Variants in APCDD1L observed in about 807,000 individuals in gnomAD.
APCDD1L encodes protein APCDD1-like.
Under a neutral mutation model 24.2 loss-of-function variants are expected in APCDD1L, and 21 were observed. The ratio of observed to expected loss-of-function variants is 0.87; its 90% CI spans 0.61 to 1.25. The LOEUF is 1.25. Among genes scored for constraint, APCDD1L ranks in the 50% most tolerant of loss-of-function variants. The pLI, the probability that APCDD1L is intolerant of heterozygous loss-of-function variation, is 0.00. For synonymous variants in APCDD1L, 321 were observed against 323.6 expected, an observed-to-expected ratio of 0.99 and a Z score of 0.09; for missense variants, 704 against 711.7, an observed-to-expected ratio of 0.99 and a Z score of 0.12.
intron 1 of APCDD1L, among the ~76,000 whole-genome samples, chr20:58,514,196 C>G (rs1485829876): frequency 2.6e-5 from 4 of 152,278 alleles, no homozygotes; most frequent in Non-Finnish European, 2.9e-5. Context: ...AGCTTCTCCC[C>G]GAGTCCTGCT....
rs1301118590 is a variant in APCDD1L, at chr20:58,470,432, G to A, written c.188+177C>T. Among the ~76,000 whole-genome samples, 7 of 152,216 alleles carry A rather than the reference G, an allele frequency of 4.6e-5. No individual in the cohort carries two copies. In the East Asian group the frequency reaches 1.3e-3, roughly 29 times the overall value. On this transcript the variant is annotated intron_variant, in intron 2 of 3. Transcript: ENST00000371149. ...GACCATGGACGTGATGCCCAACAGAGTCCCTGCCTCCCATTGCACTCTGGG... is the reference window on the plus strand; with the variant it reads ...GACCATGGACGTGATGCCCAACAGAATCCCTGCCTCCCATTGCACTCTGGG...
chr20:58,501,523 C>G (rs1990437329), intron 1 of APCDD1L, among the ~76,000 whole-genome samples: 1 of 152,214 alleles, frequency 6.6e-6, no homozygotes, highest in Non-Finnish European at 1.5e-5. Flanking sequence ...CCTGCAGACA[C>G]CTTGATCTCT....
At position 58,461,166 on chromosome 20, in the gene APCDD1L, C is replaced by T. The variant is rs1989592126; in HGVS notation, c.1130G>A (p.Ser377Asn). The T allele has an allele frequency of 6.2e-7, 1 of 1,613,074 alleles. No individual in the cohort carries two copies. The change falls in exon 4 of 4, where the codon AGC becomes AAC. Residue 377 changes from serine (S) to asparagine (N), a missense_variant. Ser to Asn is a conservative substitution (Grantham distance 46). Transcript: ENST00000371149. This position sits in a 1 kb window ranked among gnomAD's most constrained non-coding sequence, Gnocchi z 6.0. ...TTAMLNFSEP[S>N]SCGGAGAWSM... is the part of the protein sequence containing the mutation. ...CCAGGCCCCCGCACCCCCACAGCTG[C>T]TTGGCTCAGAGAAGTTGAGCATGGC...
chr20:58,493,898 A>T (rs531104718), intron 1 of APCDD1L, among the ~76,000 whole-genome samples: 3 of 152,248 alleles, frequency 2.0e-5, no homozygotes, highest in Admixed American at 1.3e-4. Context: ...GTAACTTTCA[A>T]CTCCCCCAAA....
intron 1 of APCDD1L, among the ~76,000 whole-genome samples, chr20:58,507,921 G>A (rs1188101399): frequency 2.0e-5 from 3 of 152,168 alleles, no homozygotes; most frequent in Admixed American, 6.5e-5. Flanking sequence ...ATAATTATAG[G>A]AATCCAAATC....
chr20:58,513,044 C>T (rs567805466), intron 1 of APCDD1L, among the ~76,000 whole-genome samples: 5 of 152,316 alleles, frequency 3.3e-5, no homozygotes, highest in South Asian at 2.1e-4. Flanking sequence ...ATTGGCATGA[C>T]GGGAAGCTCC....
chr20:58,463,556 AT>A (rs1359588625), intron 3 of APCDD1L, among the ~76,000 whole-genome samples: 1 of 152,142 alleles, frequency 6.6e-6, no homozygotes, highest in East Asian at 1.9e-4. Flanking sequence ...CTCCTATTTT[AT>A]TTCTAAAAAA....
intron 2 of APCDD1L, among the ~76,000 whole-genome samples, chr20:58,470,120 G>GCC (rs1198634189): frequency 6.6e-6 from 1 of 152,146 alleles, no homozygotes; most frequent in Non-Finnish European, 1.5e-5. Context: ...TGCCCCCTCT[G>GCC]CCTGGCTCTT....
At chr20:58,481,732 G>T (rs1024522931) in intron 1 of APCDD1L, among the ~76,000 whole-genome samples, 2 of 152,156 alleles carry the variant, frequency 1.3e-5, no homozygotes, top group East Asian at 3.8e-4. Flanking sequence ...TCACCCCGCC[G>T]GCTCCAGCTT....
chr20:58,506,177 A>C (rs1990525130), intron 1 of APCDD1L, among the ~76,000 whole-genome samples: 1 of 152,210 alleles, frequency 6.6e-6, no homozygotes. Context: ...CTTTGGATAC[A>C]TCCCCAGGCA....
rs557684654 is a variant in APCDD1L, at chr20:58,495,627, G to T, written c.49+19032C>A. 3.3e-5 allele frequency among the ~76,000 whole-genome samples: 5 copies of T among 152,296 alleles called. 1 individual carries two copies. The highest frequency in any genetic ancestry group is 1.2e-4 in the African/African-American group (5 of 41,572). ...TCAGGCCCTGCCCCTTCTGAGTGAG[G>T]TGGCTTTGGGTAAGAAGCCTCAGTG... is the stretch of plus-strand genomic sequence containing the variant. On this transcript the variant is annotated intron_variant, in intron 1 of 3. Coordinates refer to ENST00000371149, the MANE Select transcript of APCDD1L (RefSeq NM_153360.3).
chr20:58,501,975 T>C (rs953161689), intron 1 of APCDD1L, among the ~76,000 whole-genome samples: 1 of 152,238 alleles, frequency 6.6e-6, no homozygotes, highest in Admixed American at 6.5e-5. Flanking sequence ...TGGGCTGCAA[T>C]GTGGCCTACT....
At chr20:58,491,428 T>C (rs1203116829) in intron 1 of APCDD1L, among the ~76,000 whole-genome samples, 2 of 152,122 alleles carry the variant, frequency 1.3e-5, no homozygotes, top group Admixed American at 6.5e-5. Flanking sequence ...AAGAAATCAA[T>C]ATGTAAGAAT....
At chr20:58,504,444 CT>C (rs1600878717) in intron 1 of APCDD1L, among the ~76,000 whole-genome samples, 1 of 152,220 alleles carries the variant, frequency 6.6e-6, no homozygotes, top group African/African-American at 2.4e-5. Context: ...TCCCAGGCTT[CT>C]GCTTCTTCAG....
chr20:58,461,542 GC>G lies in APCDD1L; in HGVS notation c.753del (p.Gln251HisfsTer110). On this transcript the variant is annotated frameshift_variant, in exon 4 of 4. Transcript: ENST00000371149. LOFTEE classifies it low-confidence loss of function (END_TRUNC). The surrounding 1 kb of genome is among the most constrained non-coding windows in gnomAD (Gnocchi z 6.0). ...GCAATGAGGCCACAGGCTGGGCACG[GC>G]TGCACGTGGTGCTGGCAAAAGACAA... ...RPLQSALHHVQPCPACGLIAR... is the reference protein window; with the variant it reads ...RPLQSALHHVXPCPACGLIAR... The G allele has an allele frequency of 7.0e-7, 1 of 1,428,044 alleles. No individual in the cohort carries two copies. The highest frequency in any genetic ancestry group is 1.4e-5 in the African/African-American group (1 of 69,640). The allele number at this position is 1,428,044 out of a possible 1,614,324, so 88.5% of individuals were successfully genotyped here. A position where few individuals can be genotyped will look rare whatever the true frequency, so the allele number is the denominator to read the frequency against.
chr20:58,461,554 G>A lies in APCDD1L; in HGVS notation c.742C>T (p.His248Tyr). ...CAGGCTGGGCACGGCTGCACGTGGT[G>A]CTGGCAAAAGACAAACAGAAAAACG... ...GYQRPLQSAL[H>Y]HVQPCPACGL... is the part of the protein sequence containing the mutation. The change falls in exon 4 of 4, where the codon CAC becomes TAC. Residue 248 changes from histidine (H) to tyrosine (Y), a missense_variant and splice_region_variant. Coordinates refer to ENST00000371149, the MANE Select transcript of APCDD1L (RefSeq NM_153360.3). This position sits in a 1 kb window ranked among gnomAD's most constrained non-coding sequence, Gnocchi z 6.0. The A allele has an allele frequency of 7.0e-7, 1 of 1,418,974 alleles. No individual in the cohort carries two copies. Among genetic ancestry groups the A allele is most frequent in the Non-Finnish European group, 9.3e-7 (1 of 1,080,182 alleles). 87.9% of individuals were successfully genotyped at this position (1,418,974 alleles called of 1,614,324 possible).
rs1281129204 is a variant in APCDD1L, at chr20:58,497,477, T to C, written c.49+17182A>G. Among the ~76,000 whole-genome samples the C allele has an allele frequency of 6.6e-6, 1 of 152,126 alleles. No homozygotes were observed. Among genetic ancestry groups the C allele is most frequent in the African/African-American group, 2.4e-5 (1 of 41,424 alleles). ...TGGGCTCATGAGTCTGGGCTCAAGG[T>C]GCGAGCTGGGTTGGTTCCTTCTGAG... On this transcript the variant is annotated intron_variant, in intron 1 of 3. Coordinates refer to ENST00000371149, the MANE Select transcript of APCDD1L (RefSeq NM_153360.3). This position sits in a 1 kb window ranked among gnomAD's most constrained non-coding sequence, Gnocchi z 4.3.
At chr20:58,486,601 A>C (rs1294341580) in intron 1 of APCDD1L, among the ~76,000 whole-genome samples, 4 of 152,336 alleles carry the variant, frequency 2.6e-5, no homozygotes, top group Admixed American at 1.3e-4. Context: ...ACACCAAACT[A>C]CTGGAAGCAC....
At position 58,489,498 on chromosome 20, in the gene APCDD1L, A is replaced by G. The variant is rs562468599; in HGVS notation, c.50-18751T>C. ...GGAGTTTGAGATCAGCCTGGCCAGC[A>G]TGGTGAAACCCTGTCTCTACTAAAA... On this transcript the variant is annotated intron_variant, in intron 1 of 3. Coordinates refer to ENST00000371149, the MANE Select transcript of APCDD1L (RefSeq NM_153360.3). Among the ~76,000 whole-genome samples the G allele has an allele frequency of 3.6e-3, 544 of 152,324 alleles. 1 individual carries two copies. Among genetic ancestry groups the G allele is most frequent in the Middle Eastern group, 0.01 (3 of 294 alleles).
Sources: allele counts gnomAD v4.1 joint callset (sites outside exome capture counted in the v4.1 genomes callset), GRCh38; gene constraint gnomAD v4.1.1; non-coding constraint Gnocchi (gnomAD v3.1); transcripts MANE v1.5; gene names NCBI Gene and HGNC (gene_info 2026-07-23, HGNC 2026-07-21).